The following AKAP8L variants were observed in gnomAD, a reference collection of about 807,000 sequenced individuals.
AKAP8L encodes A-kinase anchoring protein 8 like, also known as A-kinase anchor protein 8-like.
AKAP8L carries 34 observed loss-of-function variants against 77.5 expected under a neutral mutation model. That is an observed-to-expected ratio of 0.44 (90% CI 0.33 to 0.58). The LOEUF (loss-of-function observed/expected upper bound fraction) is 0.58, where lower values mean the gene tolerates loss of function less well. AKAP8L is among the 20% of genes least tolerant of loss of function. AKAP8L has a pLI of 0.02. For synonymous variants in AKAP8L, 342 were observed against 340.7 expected (o/e 1.00, Z -0.04); for missense variants, 806 against 887.6 (o/e 0.91, Z 1.17).
intron 13 of AKAP8L, 33 bp from the exon 14 acceptor site, chr19:15,380,463 G>A (rs1180515944): frequency 6.2e-7 from 1 of 1,612,110 alleles, no homozygotes. Context: ...TGAAGGGAGG[G>A]AGCACAGGCG....
chr19:15,397,557 G>A lies in AKAP8L; in HGVS notation c.1368C>T (p.Leu456=), dbSNP rs769835797. 6 of 1,613,714 alleles carry A rather than the reference G, an allele frequency of 3.7e-6. No homozygotes were observed. The highest frequency in any genetic ancestry group is 5.1e-6 in the Non-Finnish European group (6 of 1,179,886). Residue 456 remains leucine (L), a synonymous_variant, in exon 11 of 14, where the codon CTC becomes CTT. Coordinates refer to ENST00000397410, the MANE Select transcript of AKAP8L (RefSeq NM_014371.4). The surrounding 1 kb of genome is among the most constrained non-coding windows in gnomAD (Gnocchi z 4.7). ...LRKTVEDLDG[L]IQQIYRDQDL... ...CCTGGTCTCTGTAGATTTGCTGGAT[G>A]AGGCCATCAAGGTCCTCCACGGTTT...
At position 15,398,810 on chromosome 19, in the gene AKAP8L, C is replaced by T. The variant is rs962383729; in HGVS notation, c.1157+492G>A. ...GACCAAGGGGCGTGAAGGGCTCAGC[C>T]GCAGACAGGCCCGGCCTGACAGGGC... On this transcript the variant is annotated intron_variant, in intron 9 of 13. Transcript: ENST00000397410. The surrounding 1 kb of genome is among the most constrained non-coding windows in gnomAD (Gnocchi z 9.2). The T allele has an allele frequency of 1.1e-5, 11 of 1,009,296 alleles. No individual in the cohort carries two copies. The highest frequency in any genetic ancestry group is 5.2e-5 in the African/African-American group (3 of 57,372). 62.5% of individuals were successfully genotyped at this position (1,009,296 alleles called of 1,614,324 possible). A position where few individuals can be genotyped will look rare whatever the true frequency, so the allele number is the denominator to read the frequency against.
rs1266127181 is a variant in AKAP8L at position 15,401,752 on chromosome 19, C to T, written c.363-149G>A. ...GTTCAGAAATGCCGATTAAAGAGTT[C>T]CAGCCTCTCAGCTGATATAGGGGCA... On this transcript the variant is annotated intron_variant, in intron 4 of 13. Coordinates refer to ENST00000397410, the MANE Select transcript of AKAP8L (RefSeq NM_014371.4). The surrounding 1 kb of genome is among the most constrained non-coding windows in gnomAD (Gnocchi z 6.2). 6 of 669,214 alleles carry T rather than the reference C, an allele frequency of 9.0e-6. No individual in the cohort carries two copies. The highest frequency in any genetic ancestry group is 1.2e-5 in the Non-Finnish European group (5 of 401,022). The allele number at this position is 669,214 out of a possible 1,614,324, so 41.5% of individuals were successfully genotyped here. A position where few individuals can be genotyped will look rare whatever the true frequency, so the allele number is the denominator to read the frequency against.
At chr19:15,383,923 ATTTCTT>A (rs1192559990) in intron 12 of AKAP8L, 1 of 115,554 alleles carries the variant, frequency 8.7e-6, no homozygotes, top group Non-Finnish European at 1.8e-5. Context: ...ATTAAGGTCT[ATTTCTT>A]TTTTTTTTTT....
At position 15,397,437 on chromosome 19, in the gene AKAP8L, G is replaced by A; in HGVS notation, c.1405+83C>T. 2 of 1,494,154 alleles carry A rather than the reference G, an allele frequency of 1.3e-6. No individual in the cohort carries two copies. Among genetic ancestry groups the A allele is most frequent in the Non-Finnish European group, 1.8e-6 (2 of 1,083,820 alleles). 92.6% of individuals were successfully genotyped at this position (1,494,154 alleles called of 1,614,324 possible). A position where few individuals can be genotyped will look rare whatever the true frequency, so the allele number is the denominator to read the frequency against. On this transcript the variant is annotated intron_variant, in intron 11 of 13. Coordinates refer to ENST00000397410, the MANE Select transcript of AKAP8L (RefSeq NM_014371.4). The surrounding 1 kb of genome is among the most constrained non-coding windows in gnomAD (Gnocchi z 4.7). ...TCTCCTGACCTTCCCTGGGGGAACA[G>A]AAGGGTGTCCTGACCCTGCACCGAA...
chr19:15,390,634 C>A (rs1045833339), intron 12 of AKAP8L, among the ~76,000 whole-genome samples: 1 of 152,140 alleles, frequency 6.6e-6, no homozygotes. Flanking sequence ...CAAAACACTA[C>A]AGACTATTAT....
chr19:15,389,274 AAG>A (rs1179435704), intron 12 of AKAP8L, among the ~76,000 whole-genome samples: 1 of 152,072 alleles, frequency 6.6e-6, no homozygotes, highest in Non-Finnish European at 1.5e-5. Flanking sequence ...TGTGTATCAA[AAG>A]AGATTATACA....
At chr19:15,383,805 A>G (rs1392808376) in intron 12 of AKAP8L, 3 of 151,954 alleles carry the variant, frequency 2.0e-5, no homozygotes, top group South Asian at 4.1e-4. Flanking sequence ...TCCCCGACTG[A>G]TATTTTTGAC....
rs1315475914 is a variant in AKAP8L at position 15,398,122 on chromosome 19, G to C, written c.1158-267C>G. ...GAGGCTGAAGCCTGAGACAGCAGCT[G>C]CTGCAACAGGCAACGAGTCGCTGGA... is the stretch of plus-strand genomic sequence containing the variant. On this transcript the variant is annotated intron_variant, in intron 9 of 13. Coordinates refer to ENST00000397410, the MANE Select transcript of AKAP8L (RefSeq NM_014371.4). The surrounding 1 kb of genome is among the most constrained non-coding windows in gnomAD (Gnocchi z 9.2). The C allele has an allele frequency of 2.0e-6, 1 of 492,294 alleles. No individual in the cohort carries two copies. 30.5% of individuals were successfully genotyped at this position (492,294 alleles called of 1,614,324 possible). A position where few individuals can be genotyped will look rare whatever the true frequency, so the allele number is the denominator to read the frequency against.
At chr19:15,400,100 C>T in intron 8 of AKAP8L, 195 bp downstream of exon 8, 1 of 619,558 alleles carries the variant, frequency 1.6e-6, no homozygotes, top group Non-Finnish European at 2.8e-6. Flanking sequence ...ACAGCCTCCG[C>T]CTGGGAAGGA....
chr19:15,394,404 C>G (rs550849301), intron 12 of AKAP8L, among the ~76,000 whole-genome samples: 1 of 152,170 alleles, frequency 6.6e-6, no homozygotes, highest in East Asian at 1.9e-4. Context: ...CTGCCTAAGG[C>G]TGGAGGAGGA....
rs143259808 is a variant in AKAP8L at position 15,408,021 on chromosome 19, G to T, written c.88+2499C>A. 1.6e-3 allele frequency among the ~76,000 whole-genome samples: 243 copies of T among 152,336 alleles called. 5 individuals are homozygous for T. Among genetic ancestry groups the T allele is most frequent in the African/African-American group, 5.6e-3 (233 of 41,576 alleles). On this transcript the variant is annotated intron_variant, in intron 2 of 13. Transcript: ENST00000397410. ...TCAAGACTGCATTGCTGGGCGAGGC[G>T]CAGTGGCTAATGCCTGTAATTCCAA...
rs534677173 is a variant in AKAP8L at position 15,415,239 on chromosome 19, G to A, written c.13+3672C>T. 5.9e-5 allele frequency among the ~76,000 whole-genome samples: 9 copies of A among 152,240 alleles called. No individual in the cohort carries two copies. The South Asian group carries it at 1.9e-3, about 32-fold the overall frequency. On this transcript the variant is annotated intron_variant, in intron 1 of 13. Transcript: ENST00000397410. Reference sequence around the variant, plus strand: ...ACTTGAGCCCAGGAGTTCAAGACCTGCGTGGCAACATAGTGAGACCTCATC... The same window carrying A: ...ACTTGAGCCCAGGAGTTCAAGACCTACGTGGCAACATAGTGAGACCTCATC...
At chr19:15,400,456 G>T in intron 7 of AKAP8L, 98 bp from the exon 8 acceptor site, 1 of 1,243,222 alleles carries the variant, frequency 8.0e-7, no homozygotes, top group Non-Finnish European at 1.1e-6. Context: ...TAAAACAGCT[G>T]CTTGCTCCAT....
intron 12 of AKAP8L, among the ~76,000 whole-genome samples, chr19:15,388,942 C>T (rs912677974): frequency 4.1e-5 from 6 of 147,642 alleles, no homozygotes; most frequent in African/African-American, 1.0e-4. Flanking sequence ...TGGCCGAGCT[C>T]GGTGGCTCAC....
chr19:15,385,634 C>A (rs1405913476), intron 12 of AKAP8L, among the ~76,000 whole-genome samples: 2 of 152,068 alleles, frequency 1.3e-5, no homozygotes, highest in African/African-American at 4.8e-5. Flanking sequence ...GAGTCTTGCT[C>A]TGTTGCCCCG....
At chr19:15,400,409 T>TA (rs141168895) in intron 7 of AKAP8L, 51 bp from the exon 8 acceptor site, 28 of 1,350,300 alleles carry the variant, frequency 2.1e-5, no homozygotes, top group African/African-American at 3.0e-5. Context: ...TTTTTTTTTT[T>TA]AAAAGAAACC....
intron 12 of AKAP8L, among the ~76,000 whole-genome samples, chr19:15,393,735 A>C (rs1461595793): frequency 6.6e-6 from 1 of 152,060 alleles, no homozygotes; most frequent in Non-Finnish European, 1.5e-5. Context: ...AGACTGACCA[A>C]CATGGAGAAA....
intron 12 of AKAP8L, among the ~76,000 whole-genome samples, chr19:15,395,852 C>T (rs1967760444): frequency 1.4e-5 from 2 of 143,972 alleles, no homozygotes; most frequent in East Asian, 2.1e-4. Context: ...GGCGTGGTAG[C>T]GGGCGCCTGT....
Sources: gnomAD v4.1 joint callset for allele counts (sites outside exome capture counted in the v4.1 genomes callset) on GRCh38, gnomAD v4.1.1 for gene constraint, Gnocchi (gnomAD v3.1) non-coding constraint, MANE v1.5 for transcripts, NCBI Gene and HGNC (gene_info 2026-07-23, HGNC 2026-07-21) for gene names.